The following PDE1A variants were observed in gnomAD, a reference collection of about 807,000 sequenced individuals.
PDE1A encodes the protein phosphodiesterase 1A, also known as dual specificity calcium/calmodulin-dependent 3',5'-cyclic nucleotide phosphodiesterase 1A.
A neutral mutation model predicts 61.7 loss-of-function variants in PDE1A; 35 were observed. That is an observed-to-expected ratio of 0.57 (90% CI 0.43 to 0.75). The LOEUF (loss-of-function observed/expected upper bound fraction) is 0.75. Ranked by LOEUF, PDE1A falls within the 30% of genes least tolerant of loss-of-function variation. The pLI, the probability that PDE1A is intolerant of heterozygous loss-of-function variation, is 0.00. For missense variants in PDE1A, 597 were observed against 630.6 expected, an observed-to-expected ratio of 0.95 and a Z score of 0.57; for synonymous variants, 232 against 213.2, an observed-to-expected ratio of 1.09 and a Z score of -0.77.
chr2:182,645,096 C>T, the PDE1A span, among the ~76,000 whole-genome samples: 1 of 151,450 alleles, frequency 6.6e-6, no homozygotes, highest in Non-Finnish European at 1.5e-5. Context: ...CGCCATTCTC[C>T]TGCCTCAGCC....
the PDE1A span, among the ~76,000 whole-genome samples, chr2:182,576,743 T>C: frequency 2.0e-5 from 3 of 152,202 alleles, no homozygotes; most frequent in South Asian, 2.1e-4. Context: ...TTGTTTTGTG[T>C]TTTTTATAGT....
chr2:182,276,147 TGTTTCTTTGTTTCTG>T (rs1693395525), intron 1 of PDE1A, among the ~76,000 whole-genome samples: 1 of 152,006 alleles, frequency 6.6e-6, no homozygotes, highest in Non-Finnish European at 1.5e-5. Context: ...CTCTTTTCTC[TGTTTCTTTGTTTCTG>T]GTTTCTTTCA....
the PDE1A span, among the ~76,000 whole-genome samples, chr2:182,685,081 T>A: frequency 4.0e-5 from 6 of 149,814 alleles, no homozygotes; most frequent in East Asian, 1.2e-3. Context: ...ATATTCAGAG[T>A]ATATATAAAT....
At chr2:182,162,778 T>G (rs1397121129) in intron 13 of PDE1A, among the ~76,000 whole-genome samples, 2 of 151,874 alleles carry the variant, frequency 1.3e-5, no homozygotes, top group African/African-American at 4.8e-5. Context: ...GTTAGGGGAG[T>G]CAGGTGATTC....
At chr2:182,601,684 C>T in the PDE1A span, among the ~76,000 whole-genome samples, 4 of 152,048 alleles carry the variant, frequency 2.6e-5, no homozygotes, top group Non-Finnish European at 4.4e-5. Flanking sequence ...GATGTTCCAA[C>T]GAGTGTTCAG....
exon 2 of PDE1A, chr2:182,264,343 T>A: frequency 6.2e-7 from 1 of 1,613,598 alleles, no homozygotes; most frequent in Non-Finnish European, 8.5e-7. Context: ...AGATGCCGCA[T>A]ATTCAATATT....
At chr2:182,393,936 T>C (rs1701559021) in intron 1 of PDE1A, among the ~76,000 whole-genome samples, 1 of 152,318 alleles carries the variant, frequency 6.6e-6, no homozygotes, top group Admixed American at 6.5e-5. Context: ...CTCTAGGAAG[T>C]TCCACACTTT....
chr2:182,424,574 G>A lies in PDE1A; in HGVS notation c.53+2004C>T, dbSNP rs183189610. On this transcript the variant is annotated intron_variant, in intron 1 of 13. Transcript: ENST00000351439. ...AAGAAAGGAGGCTGACGAAGAAAAC[G>A]AAGTGAGGCATGAGATAAGAAGCAA... Among the ~76,000 whole-genome samples, 11 of 152,264 alleles carry A rather than the reference G, an allele frequency of 7.2e-5. No individual in the cohort carries two copies. The South Asian group carries it at 8.3e-4, about 11-fold the overall frequency.
chr2:182,354,837 A>T (rs1445315001), intron 1 of PDE1A, among the ~76,000 whole-genome samples: 1 of 152,154 alleles, frequency 6.6e-6, no homozygotes, highest in Non-Finnish European at 1.5e-5. Context: ...AGAGGTTCCT[A>T]ATTATAGGTT....
At chr2:182,275,370 G>A (rs777751129) in intron 1 of PDE1A, among the ~76,000 whole-genome samples, 8 of 152,082 alleles carry the variant, frequency 5.3e-5, no homozygotes, top group Non-Finnish European at 1.0e-4. Flanking sequence ...CCAAGCACAA[G>A]TCAGCTGACA....
At chr2:182,516,565 A>G (rs548836049) in intron 2 of PDE1A, among the ~76,000 whole-genome samples, 1 of 151,856 alleles carries the variant, frequency 6.6e-6, no homozygotes, top group African/African-American at 2.4e-5. Context: ...AGGTGGGAGG[A>G]TCACCTGAGC....
At chr2:182,147,219 A>G in intron 13 of PDE1A, 67 bp from the exon 14 acceptor site, 1 of 826,244 alleles carries the variant, frequency 1.2e-6, no homozygotes, top group East Asian at 2.6e-5. Context: ...TAATAAGGTT[A>G]GGAGACTGAA....
intron 7 of PDE1A, among the ~76,000 whole-genome samples, chr2:182,223,070 G>A (rs1688858899): frequency 6.6e-6 from 1 of 152,024 alleles, no homozygotes. Flanking sequence ...TGTAATTAAA[G>A]TTAATGAAGT....
At chr2:182,145,761 CT>C, downstream of PDE1A, among the ~76,000 whole-genome samples, 1 of 151,920 alleles carries the variant, frequency 6.6e-6, no homozygotes, top group Non-Finnish European at 1.5e-5. Flanking sequence ...CAAAAAGGTA[CT>C]TCATATACAA....
chr2:182,579,956 A>G, the PDE1A span, among the ~76,000 whole-genome samples: 2 of 152,226 alleles, frequency 1.3e-5, no homozygotes, highest in East Asian at 3.8e-4. Context: ...ATAGCTGATC[A>G]TGAGCAATGT....
chr2:182,715,342 T>C, the PDE1A span, among the ~76,000 whole-genome samples: 1 of 152,198 alleles, frequency 6.6e-6, no homozygotes, highest in South Asian at 2.1e-4. Context: ...TACTATTACA[T>C]CAGGCTGCTT....
chr2:182,571,984 T>C, the PDE1A span, among the ~76,000 whole-genome samples: 1 of 152,220 alleles, frequency 6.6e-6, no homozygotes. Flanking sequence ...CATAGCTTAT[T>C]TCTCTTAGAA....
chr2:182,198,125 G>C (rs895605510), intron 10 of PDE1A, among the ~76,000 whole-genome samples: 1 of 151,638 alleles, frequency 6.6e-6, no homozygotes, highest in Admixed American at 6.6e-5. Flanking sequence ...TTAATTAAAG[G>C]TTTCCCCCAA....
chr2:182,679,191 A>T, the PDE1A span, among the ~76,000 whole-genome samples: 17,670 of 137,678 alleles, frequency 0.13, 1,995 homozygotes, highest in African/African-American at 0.31. Context: ...TATTATTATT[A>T]TTTTTTTTTT....
Sources: gnomAD v4.1 joint callset for allele counts (sites outside exome capture counted in the v4.1 genomes callset) on GRCh38, gnomAD v4.1.1 for gene constraint, MANE v1.5 for transcripts, NCBI Gene and HGNC (gene_info 2026-07-23, HGNC 2026-07-21) for gene names.